The following STOX2 variants were observed in gnomAD, a reference collection of about 807,000 sequenced individuals.
STOX2 encodes storkhead-box protein 2.
Under a neutral mutation model 60.9 loss-of-function variants are expected in STOX2, and 28 were observed. The ratio of observed to expected loss-of-function variants is 0.46; its 90% confidence interval spans 0.34 to 0.63. STOX2 has a LOEUF of 0.63. STOX2 is among the 30% of genes least tolerant of loss of function. The pLI is 0.01. For missense variants in STOX2, 1,024 were observed against 1,187.7 expected (o/e 0.86, Z 2.03); for synonymous variants, 472 against 463.9 (o/e 1.02, Z -0.22).
At chr4:183,861,257 C>A (rs750134227) in intron 1 of STOX2, among the ~76,000 whole-genome samples, 1 of 152,002 alleles carries the variant, frequency 6.6e-6, no homozygotes, top group Non-Finnish European at 1.5e-5. Context: ...CTGCCCCCCA[C>A]CACTGAGGTT....
At chr4:183,818,003 C>A (rs550642892) in intron 1 of STOX2, among the ~76,000 whole-genome samples, 4 of 151,968 alleles carry the variant, frequency 2.6e-5, no homozygotes, top group African/African-American at 7.2e-5. Context: ...TGAGCAAGCA[C>A]CCTCAGCATT....
chr4:183,840,786 C>CA (rs1404556633), intron 1 of STOX2, among the ~76,000 whole-genome samples: 1 of 152,120 alleles, frequency 6.6e-6, no homozygotes, highest in African/African-American at 2.4e-5. Context: ...TGTCTGACTA[C>CA]AAAAAAAGTT....
At chr4:183,928,397 T>C (rs1742308633) in intron 1 of STOX2, among the ~76,000 whole-genome samples, 1 of 152,194 alleles carries the variant, frequency 6.6e-6, no homozygotes, top group Non-Finnish European at 1.5e-5. Context: ...CCTACTTCAA[T>C]GTCTGCAGGA....
rs1397932822 is a variant in STOX2 at position 183,806,150 on chromosome 4, T to A, written c.364+8095T>A. Among the ~76,000 whole-genome samples the A allele has an allele frequency of 6.6e-6, 1 of 152,194 alleles. No individual in the cohort carries two copies. The highest frequency in any genetic ancestry group is 1.9e-4 in the East Asian group (1 of 5,186). On this transcript the variant is annotated intron_variant, in intron 1 of 2. Coordinates refer to the STOX2 transcript ENST00000513034. This position sits in a 1 kb window ranked among gnomAD's most constrained non-coding sequence, Gnocchi z 4.1. ...GGAAGCATACCTCTGTGCTGTAGAT[T>A]TCACTCTGAAGATGAAAATAAACAC...
chr4:183,953,994 T>A (rs1258342495), intron 1 of STOX2, among the ~76,000 whole-genome samples: 1 of 152,228 alleles, frequency 6.6e-6, no homozygotes, highest in African/African-American at 2.4e-5. Context: ...TGCTTTACTC[T>A]TGCAGAGCTA....
At chr4:183,946,255 T>C (rs1742883345) in intron 1 of STOX2, among the ~76,000 whole-genome samples, 2 of 152,230 alleles carry the variant, frequency 1.3e-5, no homozygotes. Flanking sequence ...GCTGTGCGAC[T>C]TCAGGCAAAT....
chr4:183,838,839 T>C (rs1199098037), intron 1 of STOX2, among the ~76,000 whole-genome samples: 1 of 152,208 alleles, frequency 6.6e-6, no homozygotes, highest in African/African-American at 2.4e-5. Flanking sequence ...CTCCTCCACG[T>C]GGTTACACAC....
intron 1 of STOX2, among the ~76,000 whole-genome samples, chr4:183,966,297 G>T (rs890553185): frequency 6.6e-6 from 1 of 152,206 alleles, no homozygotes; most frequent in Non-Finnish European, 1.5e-5. Flanking sequence ...AGAGGAAACA[G>T]TTATAAGAAG....
At chr4:183,810,440 C>T (rs541573517) in intron 1 of STOX2, among the ~76,000 whole-genome samples, 1 of 152,190 alleles carries the variant, frequency 6.6e-6, no homozygotes, top group Non-Finnish European at 1.5e-5. Flanking sequence ...TTAGGCTCAA[C>T]TCCAAACACA....
At chr4:183,808,585 G>A (rs1158010137) in intron 1 of STOX2, among the ~76,000 whole-genome samples, 1 of 152,196 alleles carries the variant, frequency 6.6e-6, no homozygotes, top group African/African-American at 2.4e-5. Context: ...TGTAGAAAAT[G>A]CAGAAAGCAG....
chr4:183,928,236 A>G (rs1468743966), intron 1 of STOX2, among the ~76,000 whole-genome samples: 2 of 151,812 alleles, frequency 1.3e-5, no homozygotes, highest in African/African-American at 4.8e-5. Context: ...GGCATTTTGT[A>G]TCTGGTGTAC....
At chr4:183,924,244 G>A (rs1189673648) in intron 1 of STOX2, among the ~76,000 whole-genome samples, 1 of 152,160 alleles carries the variant, frequency 6.6e-6, no homozygotes, top group Non-Finnish European at 1.5e-5. Context: ...AAAGAGTCAG[G>A]ATCCATTCTT....
chr4:183,887,180 C>T (rs541785917), intron 1 of STOX2, among the ~76,000 whole-genome samples: 1 of 152,198 alleles, frequency 6.6e-6, no homozygotes, highest in South Asian at 2.1e-4. Flanking sequence ...AGGAGAATCG[C>T]TTGAACCCGG....
intron 1 of STOX2, among the ~76,000 whole-genome samples, chr4:183,973,718 G>A (rs144491831): frequency 2.7e-3 from 405 of 152,284 alleles, no homozygotes; most frequent in Non-Finnish European, 3.4e-3. Context: ...ATAATAGGCC[G>A]GGCGCTGTGG....
At chr4:183,875,610 T>C in intron 1 of STOX2, among the ~76,000 whole-genome samples, 1 of 152,224 alleles carries the variant, frequency 6.6e-6, no homozygotes, top group East Asian at 1.9e-4. Context: ...TGCAAAGCCC[T>C]CTAAGAAAAT....
At chr4:183,866,218 CCAGTGCT>C (rs1379604456) in intron 1 of STOX2, among the ~76,000 whole-genome samples, 1 of 152,166 alleles carries the variant, frequency 6.6e-6, no homozygotes, top group East Asian at 1.9e-4. Flanking sequence ...TCTCTTATAT[CCAGTGCT>C]CAGCTTATTT....
intron 1 of STOX2, among the ~76,000 whole-genome samples, chr4:183,803,135 T>G (rs140835543): frequency 2.6e-4 from 40 of 152,218 alleles, no homozygotes; most frequent in African/African-American, 8.2e-4. Context: ...AACCATCAGA[T>G]CTCGTGAAAC....
intron 1 of STOX2, among the ~76,000 whole-genome samples, chr4:183,860,845 G>C (rs1379225008): frequency 6.6e-6 from 1 of 152,158 alleles, no homozygotes; most frequent in Non-Finnish European, 1.5e-5. Context: ...AAAAGCAAAC[G>C]ATTCCATTTC....
chr4:183,861,416 G>A (rs975396328), intron 1 of STOX2, among the ~76,000 whole-genome samples: 15 of 152,208 alleles, frequency 9.9e-5, no homozygotes, highest in Non-Finnish European at 1.9e-4. Context: ...TAGATACCCA[G>A]GAAGAGGGAG....
Sources: gnomAD v4.1 joint callset for allele counts (sites outside exome capture counted in the v4.1 genomes callset) on GRCh38, gnomAD v4.1.1 for gene constraint, Gnocchi (gnomAD v3.1) non-coding constraint, MANE v1.5 for transcripts, NCBI Gene and HGNC (gene_info 2026-07-23, HGNC 2026-07-21) for gene names.